The following PLD5 variants were observed in gnomAD, a reference collection of about 807,000 sequenced individuals.
PLD5 encodes inactive phospholipase D5.
Under a neutral mutation model 61.1 loss-of-function variants are expected in PLD5, and 36 were observed. The ratio of observed to expected loss-of-function variants is 0.59; its 90% CI spans 0.45 to 0.78. PLD5 has a LOEUF of 0.78. Ranked by LOEUF, PLD5 falls within the 30% of genes least tolerant of loss-of-function variation. PLD5 has a pLI of 0.00. For missense variants in PLD5, 515 were observed against 644.4 expected (o/e 0.80, Z 2.17); for synonymous variants, 243 against 242.8 (o/e 1.00, Z -0.01).
At chr1:242,327,530 A>G (rs1355942523) in intron 2 of PLD5, among the ~76,000 whole-genome samples, 1 of 152,198 alleles carries the variant, frequency 6.6e-6, no homozygotes, top group Non-Finnish European at 1.5e-5. Flanking sequence ...TTTTAAATGA[A>G]GCTAATTCCA....
rs1194915213 is a variant in PLD5, at chr1:242,132,197, G to T, written c.736-7532C>A. ...CAAAGAGAATGCAGTGATTGCGGGG[G>T]GGGGGGGGGGCGGAATCATTTTTAG... On this transcript the variant is annotated intron_variant, in intron 5 of 9. Transcript: ENST00000536534. Among the ~76,000 whole-genome samples, 13 of 97,982 alleles carry T rather than the reference G, an allele frequency of 1.3e-4. 2 individuals carry two copies. Among genetic ancestry groups the T allele is most frequent in the African/African-American group, 3.7e-4 (10 of 27,108 alleles). The allele number at this position is 97,982 out of a possible 152,430, so 64.3% of individuals were successfully genotyped here. A position where few individuals can be genotyped will look rare whatever the true frequency, so the allele number is the denominator to read the frequency against.
intron 8 of PLD5, among the ~76,000 whole-genome samples, chr1:242,105,297 C>T (rs1350673593): frequency 6.6e-6 from 1 of 151,684 alleles, no homozygotes; most frequent in African/African-American, 2.4e-5. Context: ...AATCTCGGCT[C>T]ACTGCAACCT....
intron 5 of PLD5, among the ~76,000 whole-genome samples, chr1:242,132,154 T>G (rs1237120188): frequency 1.6e-5 from 2 of 123,312 alleles, no homozygotes; most frequent in Non-Finnish European, 3.2e-5. Flanking sequence ...TTTGTCAAAA[T>G]TAGTGAAAGG....
rs1207890571 is a variant in PLD5, at chr1:242,268,610, C to G, written c.496-3162G>C. ...TGCTGATTACTTACACCAAGGAATC[C>G]CACAATTTTTAATTATAGTGCTCAC... On this transcript the variant is annotated intron_variant, in intron 3 of 9. Transcript: ENST00000536534. Among the ~76,000 whole-genome samples, 5 of 152,034 alleles carry G rather than the reference C, an allele frequency of 3.3e-5. No individual in the cohort carries two copies. In the East Asian group the frequency reaches 9.7e-4, roughly 29 times the overall value.
In PLD5 at chr1:242,256,818, A is replaced by G. The variant is rs561067593; in HGVS notation, c.607+8519T>C. On this transcript the variant is annotated intron_variant, in intron 4 of 9. Coordinates refer to ENST00000536534, the MANE Select transcript of PLD5 (RefSeq NM_001372062.1). The surrounding 1 kb of genome is among the most constrained non-coding windows in gnomAD (Gnocchi z 5.7). ...TCTATTAATATCTATCTTTCTATGT[A>G]TCTGTCATCTATTTCTTTCTTTCTG... 6.6e-6 allele frequency among the ~76,000 whole-genome samples: 1 copy of G among 150,864 alleles called. No individual in the cohort carries two copies. Among genetic ancestry groups the G allele is most frequent in the East Asian group, 2.0e-4 (1 of 5,086 alleles).
At chr1:242,409,933 G>A (rs1459388006) in intron 1 of PLD5, among the ~76,000 whole-genome samples, 1 of 152,176 alleles carries the variant, frequency 6.6e-6, no homozygotes, top group Non-Finnish European at 1.5e-5. Flanking sequence ...GTGTATCAAA[G>A]GTTGCCGGCC....
intron 5 of PLD5, among the ~76,000 whole-genome samples, chr1:242,191,156 T>C (rs1328422910): frequency 6.6e-6 from 1 of 151,704 alleles, no homozygotes; most frequent in Non-Finnish European, 1.5e-5. Context: ...TTTGAGGATC[T>C]GTAAACATTC....
chr1:242,230,272 T>G (rs1671216198), intron 4 of PLD5, among the ~76,000 whole-genome samples: 1 of 152,228 alleles, frequency 6.6e-6, no homozygotes, highest in African/African-American at 2.4e-5. Context: ...AAATATAATT[T>G]ATCCCATACA....
At chr1:242,382,621 T>A (rs1662364097) in intron 1 of PLD5, among the ~76,000 whole-genome samples, 2 of 152,138 alleles carry the variant, frequency 1.3e-5, no homozygotes, top group Admixed American at 6.5e-5. Context: ...ATAAAAGCAT[T>A]TTTACTGGTG....
chr1:242,351,934 T>G (rs1660500297), intron 1 of PLD5, among the ~76,000 whole-genome samples: 1 of 152,194 alleles, frequency 6.6e-6, no homozygotes, highest in African/African-American at 2.4e-5. Flanking sequence ...TCCTCACTAA[T>G]TTTTTTAAAA....
chr1:242,140,244 A>G (rs1022117629), intron 5 of PLD5, among the ~76,000 whole-genome samples: 1 of 152,208 alleles, frequency 6.6e-6, no homozygotes, highest in Admixed American at 6.5e-5. Flanking sequence ...CCTCATAAAG[A>G]TGCTTATCTA....
rs546094361 is a variant in PLD5, at chr1:242,367,970, G to A, written c.190-19728C>T. 2.6e-5 allele frequency among the ~76,000 whole-genome samples: 4 copies of A among 152,176 alleles called. No homozygotes were observed. The South Asian group carries it at 8.3e-4, about 32-fold the overall frequency. On this transcript the variant is annotated intron_variant, in intron 1 of 9. Transcript: ENST00000536534. ...ATTTATGTTCTTGATTGAATCAAAGGAATTTTTCCAGAATGCAAGGTAAAA... is the reference window on the plus strand; with the variant it reads ...ATTTATGTTCTTGATTGAATCAAAGAAATTTTTCCAGAATGCAAGGTAAAA...
intron 1 of PLD5, among the ~76,000 whole-genome samples, chr1:242,395,055 A>G (rs201701119): frequency 0.11 from 10,136 of 93,862 alleles, 547 homozygotes; most frequent in Middle Eastern, 0.18. Flanking sequence ...ATATATGAAT[A>G]TATATGTATA....
intron 5 of PLD5, among the ~76,000 whole-genome samples, chr1:242,161,580 T>TTAAG (rs770666287): frequency 2.0e-5 from 3 of 152,148 alleles, no homozygotes; most frequent in Non-Finnish European, 4.4e-5. Context: ...TTGTGAATAT[T>TTAAG]TAAGTTTTGT....
chr1:242,240,189 ATGGCCT>A (rs562742416), intron 4 of PLD5, among the ~76,000 whole-genome samples: 216 of 152,292 alleles, frequency 1.4e-3, no homozygotes, highest in African/African-American at 5.1e-3. Flanking sequence ...AGGTCTTTCC[ATGGCCT>A]CCACTGGCTT....
intron 2 of PLD5, among the ~76,000 whole-genome samples, chr1:242,326,432 G>A (rs1658789096): frequency 6.6e-6 from 1 of 152,080 alleles, no homozygotes; most frequent in African/African-American, 2.4e-5. Flanking sequence ...CTGGATTCCT[G>A]GTCCCTGTTT....
chr1:242,256,151 A>C lies in PLD5; in HGVS notation c.607+9186T>G, dbSNP rs538865839. Among the ~76,000 whole-genome samples, 2 of 152,294 alleles carry C rather than the reference A, an allele frequency of 1.3e-5. No individual in the cohort carries two copies. Among genetic ancestry groups the C allele is most frequent in the East Asian group, 3.9e-4 (2 of 5,178 alleles). ...AACTGGGTGTCTGAGACAGTCACTC[A>C]GCAAATGTATGACTTGAGTCACAAG... On this transcript the variant is annotated intron_variant, in intron 4 of 9. Transcript: ENST00000536534. The surrounding 1 kb of genome is among the most constrained non-coding windows in gnomAD (Gnocchi z 5.7).
chr1:242,197,115 G>A (rs575494943), intron 5 of PLD5, among the ~76,000 whole-genome samples: 13 of 152,134 alleles, frequency 8.5e-5, no homozygotes, highest in African/African-American at 1.4e-4. Context: ...ACGGGACAAC[G>A]AGGAACCCAG....
At chr1:242,114,467 ATTG>A (rs1284504502) in intron 6 of PLD5, among the ~76,000 whole-genome samples, 1 of 152,198 alleles carries the variant, frequency 6.6e-6, no homozygotes, top group Admixed American at 6.5e-5. Flanking sequence ...CTAATATATT[ATTG>A]TTAAGTATAG....
Sources: allele counts gnomAD v4.1 joint callset (sites outside exome capture counted in the v4.1 genomes callset), GRCh38; gene constraint gnomAD v4.1.1; non-coding constraint Gnocchi (gnomAD v3.1); transcripts MANE v1.5; gene names NCBI Gene and HGNC (gene_info 2026-07-23, HGNC 2026-07-21).